Variants in CYP46A1 observed in about 807,000 individuals in gnomAD.
CYP46A1 encodes the protein cytochrome P450 family 46 subfamily A member 1, also known as cholesterol 24-hydroxylase.
In CYP46A1, 20 loss-of-function variants were observed where a neutral mutation model predicts 63.3. The observed-to-expected ratio is 0.32, with a 90% CI of 0.22 to 0.46. The LOEUF is 0.46. Ranked by LOEUF, CYP46A1 falls within the 20% of genes least tolerant of loss-of-function variation. The probability of loss-of-function intolerance (pLI) is 1.00; values close to 1 mark genes in which losing one functional copy is unlikely to be tolerated. For missense variants in CYP46A1, 445 were observed against 670.8 expected (o/e 0.66, Z 3.72); for synonymous variants, 268 against 273.6 (o/e 0.98, Z 0.20).
chr14:99,720,728 C>T (rs2056838299), intron 10 of CYP46A1, among the ~76,000 whole-genome samples: 1 of 152,100 alleles, frequency 6.6e-6, no homozygotes, highest in Admixed American at 6.6e-5. Flanking sequence ...TTTTAGGGCC[C>T]CTGCAACATA....
intron 7 of CYP46A1, among the ~76,000 whole-genome samples, chr14:99,713,668 C>T (rs1167363170): frequency 6.6e-6 from 1 of 151,874 alleles, no homozygotes; most frequent in African/African-American, 2.4e-5. Flanking sequence ...CACTTGAGGG[C>T]AGGAGTTTCA....
At chr14:99,711,239 T>C (rs1223515698) in intron 7 of CYP46A1, 3 of 151,816 alleles carry the variant, frequency 2.0e-5, no homozygotes, top group Non-Finnish European at 2.9e-5. Flanking sequence ...AAATGATATA[T>C]CTCAAGGAAT....
chr14:99,690,262 C>T (rs1488515378), intron 1 of CYP46A1, among the ~76,000 whole-genome samples: 2 of 152,216 alleles, frequency 1.3e-5, no homozygotes, highest in Non-Finnish European at 2.9e-5. Context: ...AAATAACTTC[C>T]ACAAGCTTAG....
In CYP46A1 at chr14:99,689,192, A is replaced by G. The variant is rs1236204971; in HGVS notation, c.120-1889A>G. ...TGTCTAACTTCCTGCTCAATAGTCC[A>G]CCACAAACCTTACCGGTCCCAAGCC... On this transcript the variant is annotated intron_variant, in intron 1 of 14. Transcript: ENST00000261835. Among the ~76,000 whole-genome samples, 14 of 152,032 alleles carry G rather than the reference A, an allele frequency of 9.2e-5. No homozygotes were observed. In the East Asian group the frequency reaches 9.7e-4, roughly 11 times the overall value.
At chr14:99,704,076 G>A (rs2056654564) in intron 5 of CYP46A1, among the ~76,000 whole-genome samples, 1 of 152,186 alleles carries the variant, frequency 6.6e-6, no homozygotes, top group Non-Finnish European at 1.5e-5. Context: ...AGCATCTCCA[G>A]CACATAGAAC....
chr14:99,711,319 AC>A (rs1451953362), intron 7 of CYP46A1: 6 of 152,104 alleles, frequency 3.9e-5, no homozygotes, highest in African/African-American at 1.4e-4. Flanking sequence ...AATTAAAGGA[AC>A]TAAAGACTAA....
chr14:99,721,877 G>T (rs1174899278), intron 11 of CYP46A1, 79 bp from the exon 12 acceptor site: 19 of 1,197,340 alleles, frequency 1.6e-5, no homozygotes, highest in Middle Eastern at 1.9e-4. Context: ...AAAGACAGGG[G>T]TCCCAGGCAT....
intron 5 of CYP46A1, among the ~76,000 whole-genome samples, chr14:99,703,305 C>T (rs958486475): frequency 2.0e-5 from 3 of 152,224 alleles, no homozygotes; most frequent in South Asian, 2.1e-4. Flanking sequence ...CTTGCCAGAA[C>T]TCTTGCTACA....
chr14:99,689,257 C>A (rs1241510589), intron 1 of CYP46A1, among the ~76,000 whole-genome samples: 2 of 152,174 alleles, frequency 1.3e-5, no homozygotes, highest in Non-Finnish European at 2.9e-5. Flanking sequence ...ATTGGTCCCC[C>A]CAAAGCTGAT....
In CYP46A1 at chr14:99,725,316, G is replaced by C; in HGVS notation, c.1177-75G>C. The C allele has an allele frequency of 2.6e-6, 3 of 1,160,436 alleles. No individual in the cohort carries two copies. Among genetic ancestry groups the C allele is most frequent in the Non-Finnish European group, 3.9e-6 (3 of 771,256 alleles). The allele number at this position is 1,160,436 out of a possible 1,614,324, so 71.9% of individuals were successfully genotyped here. Reference sequence around the variant, plus strand: ...CCACTCTGCTCTGAGTAGCCCTGTTGGGTGGCCTCAGTGGCTCAAGAGGTG... The same window carrying C: ...CCACTCTGCTCTGAGTAGCCCTGTTCGGTGGCCTCAGTGGCTCAAGAGGTG... On this transcript the variant is annotated intron_variant, in intron 12 of 14. Coordinates refer to ENST00000261835, the MANE Select transcript of CYP46A1 (RefSeq NM_006668.2). The surrounding 1 kb of genome is among the most constrained non-coding windows in gnomAD (Gnocchi z 4.2).
At chr14:99,721,681 T>G (rs1317642845) in intron 11 of CYP46A1, among the ~76,000 whole-genome samples, 1 of 152,144 alleles carries the variant, frequency 6.6e-6, no homozygotes, top group East Asian at 1.9e-4. Flanking sequence ...GCTTGCAGCT[T>G]CTGCTGTGGC....
At chr14:99,696,946 GACTTTT>G in intron 3 of CYP46A1, among the ~76,000 whole-genome samples, 1 of 152,330 alleles carries the variant, frequency 6.6e-6, no homozygotes, top group Non-Finnish European at 1.5e-5. Flanking sequence ...GTCTAGAGTA[GACTTTT>G]ACTTGAGAGC....
At chr14:99,684,625 C>G in intron 1 of CYP46A1, 89 bp downstream of exon 1, 1 of 1,196,944 alleles carries the variant, frequency 8.4e-7, no homozygotes, top group Non-Finnish European at 1.2e-6. Flanking sequence ...GCCGGGGGTC[C>G]GGCCTCGCCT....
At chr14:99,686,744 AGT>A (rs1808053699) in intron 1 of CYP46A1, among the ~76,000 whole-genome samples, 1 of 152,094 alleles carries the variant, frequency 6.6e-6, no homozygotes, top group South Asian at 2.1e-4. Flanking sequence ...ATGTGACCTG[AGT>A]GTGTGGGGTG....
intron 3 of CYP46A1, 22 bp downstream of exon 3, chr14:99,691,883 A>G (rs2140113804): frequency 1.2e-6 from 2 of 1,612,300 alleles, no homozygotes; most frequent in East Asian, 2.2e-5. Context: ...AGTGGTTTCC[A>G]TGAGGGAGTT....
At chr14:99,709,681 A>G (rs1288088363) in intron 7 of CYP46A1, 1 of 152,188 alleles carries the variant, frequency 6.6e-6, no homozygotes, top group Non-Finnish European at 1.5e-5. Flanking sequence ...CAGGTACAGG[A>G]AATATAGAGA....
chr14:99,690,964 C>A, intron 1 of CYP46A1, 117 bp from the exon 2 acceptor site: 1 of 942,542 alleles, frequency 1.1e-6, no homozygotes. Context: ...GTGCTGTAAC[C>A]TCCCCATGCC....
intron 7 of CYP46A1, among the ~76,000 whole-genome samples, chr14:99,715,015 G>T (rs1292749754): frequency 6.6e-6 from 1 of 152,118 alleles, no homozygotes; most frequent in African/African-American, 2.4e-5. Flanking sequence ...TGAGTGGGGG[G>T]ATGAAGAGAA....
chr14:99,718,377 G>A (rs1436213763), intron 10 of CYP46A1, among the ~76,000 whole-genome samples: 1 of 152,118 alleles, frequency 6.6e-6, no homozygotes, highest in Non-Finnish European at 1.5e-5. Context: ...TTTCCCCTCC[G>A]AGCCTGCTCC....
Sources: gnomAD v4.1 joint callset for allele counts (sites outside exome capture counted in the v4.1 genomes callset) on GRCh38, gnomAD v4.1.1 for gene constraint, Gnocchi (gnomAD v3.1) non-coding constraint, MANE v1.5 for transcripts, NCBI Gene and HGNC (gene_info 2026-07-23, HGNC 2026-07-21) for gene names.